CRLF1: variants seen among roughly 807,000 people sequenced by gnomAD.
CRLF1 encodes cytokine receptor like factor 1.
In CRLF1, 36 loss-of-function variants were observed where a neutral mutation model predicts 48.9. That is an observed-to-expected ratio of 0.74 (90% CI 0.56 to 0.97). The LOEUF is 0.97. Among genes scored for constraint, CRLF1 ranks in the 50% least tolerant of loss-of-function variants. CRLF1 has a pLI of 0.00. For synonymous variants in CRLF1, 256 were observed against 253.4 expected (o/e 1.01, Z -0.10); for missense variants, 534 against 575.1 (o/e 0.93, Z 0.73).
At chr19:18,597,896 G>C (rs1976163327) in intron 4 of CRLF1, among the ~76,000 whole-genome samples, 1 of 152,048 alleles carries the variant, frequency 6.6e-6, no homozygotes, top group African/African-American at 2.4e-5. Flanking sequence ...TGTGTGTTGG[G>C]GGGTTCTGAG....
chr19:18,599,566 G>A lies in CRLF1; in HGVS notation c.396C>T (p.Gly132=). ...SILAGSCLYV[G]LPPEKPVNIS... is the part of the protein sequence containing the mutation. ...GGGGTGTCCTGGGTGCCAACTTACG[G>A]CCAACATAGAGGCAGGAGCCAGCCA... is the stretch of plus-strand genomic sequence containing the variant. The change falls in exon 2 of 9, where the codon GGC becomes GGT. Residue 132 remains glycine, a splice_region_variant and synonymous_variant. Transcript: ENST00000392386. The A allele has an allele frequency of 6.2e-7, 1 of 1,612,276 alleles. No individual in the cohort carries two copies. The highest frequency in any genetic ancestry group is 8.5e-7 in the Non-Finnish European group (1 of 1,180,028).
intron 2 of CRLF1, chr19:18,599,255 G>A (rs1280224714): frequency 2.7e-6 from 1 of 377,254 alleles, no homozygotes; most frequent in Non-Finnish European, 3.6e-6. Context: ...ACAGGTGCCT[G>A]TCAGCACGCC....
rs765500879 is a variant in CRLF1 at position 18,596,757 on chromosome 19, G to A, written c.889C>T (p.Arg297Cys). Residue 297 changes from arginine (R) to cysteine (C), a missense_variant, in exon 6 of 9, where the codon CGC (arginine) becomes TGC (cysteine). By Grantham distance (180) the Arg-to-Cys change is radical. Transcript: ENST00000392386. ...GTGCCGGGTTTCAGGCCGGCCAGGC[G>A]GCAGGAGGTCTGGTTGCTCACATCG... The part of the protein sequence containing the change: ...VDDVSNQTSC[R>C]LAGLKPGTVY... The A allele has an allele frequency of 3.1e-6, 5 of 1,613,980 alleles. No homozygotes were observed. Among genetic ancestry groups the A allele is most frequent in the African/African-American group, 2.7e-5 (2 of 74,912 alleles).
In CRLF1 at chr19:18,593,781, G is replaced by GGC. The variant is rs1976088482; in HGVS notation, c.1256-204_1256-203dup. The GGC allele has an allele frequency of 6.2e-5, 61 of 985,456 alleles. No homozygotes were observed. The South Asian group carries it at 2.4e-3, about 39-fold the overall frequency. The allele number at this position is 985,456 out of a possible 1,614,324, so 61.0% of individuals were successfully genotyped here. On this transcript the variant is annotated intron_variant, in intron 8 of 8. Coordinates refer to ENST00000392386, the MANE Select transcript of CRLF1 (RefSeq NM_004750.5). ...CTTGGCGCGGAGCCAGTATGCAGTA[G>GGC]GCGCCCATGCGTGCTAACTAGGGTG... is the stretch of plus-strand genomic sequence containing the variant.
At chr19:18,598,970 G>T (rs1418688066) in intron 2 of CRLF1, 69 bp from the exon 3 acceptor site, 2 of 1,591,854 alleles carry the variant, frequency 1.3e-6, no homozygotes, top group East Asian at 4.5e-5. Context: ...CTGAGGGGTT[G>T]CTGCCCACCC....
rs1301114211 is a variant in CRLF1 at position 18,606,507 on chromosome 19, G to C, written c.115+35C>G. 1 of 1,142,224 alleles carries C rather than the reference G, an allele frequency of 8.8e-7. No individual in the cohort carries two copies. Among genetic ancestry groups the C allele is most frequent in the Non-Finnish European group, 1.1e-6 (1 of 930,778 alleles). The allele number at this position is 1,142,224 out of a possible 1,614,324, so 70.8% of individuals were successfully genotyped here. ...CCCCGGGGCGCCCGCCCTCTGCTCT[G>C]GCAGGGGGGAAGGAGTGGGGCGCCG... On this transcript the variant is annotated intron_variant, in intron 1 of 8. Coordinates refer to ENST00000392386, the MANE Select transcript of CRLF1 (RefSeq NM_004750.5). The surrounding 1 kb of genome is among the most constrained non-coding windows in gnomAD (Gnocchi z 4.8).
intron 8 of CRLF1, 139 bp from the exon 9 acceptor site, chr19:18,593,718 C>A (rs7256319): frequency 6.6e-7 from 1 of 1,520,858 alleles, no homozygotes; most frequent in Admixed American, 2.0e-5. Context: ...TGCCCCTCTC[C>A]GGGCCTTGGC....
At chr19:18,601,809 G>A (rs576765211) in intron 1 of CRLF1, among the ~76,000 whole-genome samples, 6 of 152,232 alleles carry the variant, frequency 3.9e-5, no homozygotes, top group African/African-American at 1.2e-4. Context: ...AAAAAACTCC[G>A]GCTCTGAAAG....
At chr19:18,601,901 GCCTA>G (rs1001752026) in intron 1 of CRLF1, among the ~76,000 whole-genome samples, 6 of 152,192 alleles carry the variant, frequency 3.9e-5, no homozygotes, top group African/African-American at 1.4e-4. Flanking sequence ...GTTCCACACT[GCCTA>G]CCTCTGGAAC....
intron 6 of CRLF1, 121 bp from the exon 7 acceptor site, chr19:18,594,555 C>A: frequency 1.3e-6 from 1 of 769,658 alleles, no homozygotes; most frequent in South Asian, 4.9e-5. Context: ...CTCCCCGTTT[C>A]TCAAGGACCG....
chr19:18,600,641 C>T (rs541372850), intron 1 of CRLF1, among the ~76,000 whole-genome samples: 68 of 152,292 alleles, frequency 4.5e-4, no homozygotes, highest in African/African-American at 1.6e-3. Flanking sequence ...GCTGGGATTA[C>T]AGGCGTGAGC....
At chr19:18,603,684 T>G (rs938190657) in intron 1 of CRLF1, among the ~76,000 whole-genome samples, 1 of 152,176 alleles carries the variant, frequency 6.6e-6, no homozygotes, top group Non-Finnish European at 1.5e-5. Flanking sequence ...TTGCCCTCAC[T>G]GCCCCAGATG....
chr19:18,604,031 C>A lies in CRLF1; in HGVS notation c.115+2511G>T, dbSNP rs557529442. ...CCCACCCACCGCTTCCTGCCTGGGC[C>A]CCCCCAACAGAGTGGGAGGCACGGC... On this transcript the variant is annotated intron_variant, in intron 1 of 8. Transcript: ENST00000392386. 1.5e-4 allele frequency among the ~76,000 whole-genome samples: 23 copies of A among 152,312 alleles called. No homozygotes were observed. In the East Asian group the frequency reaches 3.9e-3, roughly 26 times the overall value.
chr19:18,598,848 A>G lies in CRLF1; in HGVS notation c.451T>C (p.Leu151=). The change falls in exon 3 of 9, where the codon TTG becomes CTG. Residue 151 remains leucine (L), a synonymous_variant. Coordinates refer to ENST00000392386, the MANE Select transcript of CRLF1 (RefSeq NM_004750.5). ...GCCCCTGGCGTCCAGCGGCAGGTCA[A>G]GTCCTTCATGTTCTTGGACCAGCAG... is the stretch of plus-strand genomic sequence containing the variant. ...ISCWSKNMKD[L]TCRWTPGAHG... is the part of the protein sequence containing the mutation. 6.2e-7 allele frequency: 1 copy of G among 1,614,054 alleles called. No individual in the cohort carries two copies. Among genetic ancestry groups the G allele is most frequent in the Non-Finnish European group, 8.5e-7 (1 of 1,179,984 alleles).
chr19:18,603,537 G>A (rs979206833), intron 1 of CRLF1, among the ~76,000 whole-genome samples: 6 of 152,192 alleles, frequency 3.9e-5, no homozygotes, highest in Non-Finnish European at 8.8e-5. Context: ...TGAGATATGC[G>A]TTAAAAGGAC....
chr19:18,596,682 T>G lies in CRLF1; in HGVS notation c.964A>C (p.Lys322Gln). Residue 322 changes from lysine (K) to glutamine (Q), a missense_variant, in exon 6 of 9, where the codon AAG (lysine) becomes CAG (glutamine). This residue lies in a region of CRLF1 where 528 missense variants were observed against 555.7 expected (regional missense o/e 0.95). Transcript: ENST00000392386. ...CACTCACTCCAGATCCCGGCTTTCT[T>G]GGAGCCATAGATGCCAAAGGGGTTG... ...RCNPFGIYGS[K>Q]KAGIWSEWSH... is the part of the protein sequence containing the mutation. 1.9e-6 allele frequency: 3 copies of G among 1,613,978 alleles called. No homozygotes were observed. The highest frequency in any genetic ancestry group is 1.7e-6 in the Non-Finnish European group (2 of 1,180,012).
chr19:18,602,767 C>T (rs899714532), intron 1 of CRLF1, among the ~76,000 whole-genome samples: 2 of 151,856 alleles, frequency 1.3e-5, no homozygotes, highest in Non-Finnish European at 2.9e-5. Context: ...TGCCCCCAGC[C>T]TGACTCAGTG....
chr19:18,601,966 T>C (rs1976227005), intron 1 of CRLF1, among the ~76,000 whole-genome samples: 1 of 152,232 alleles, frequency 6.6e-6, no homozygotes, highest in Non-Finnish European at 1.5e-5. Context: ...CCAAAGGGAC[T>C]TGACATCATC....
At chr19:18,594,032 T>TTGGCCCC in intron 8 of CRLF1, 33 bp downstream of exon 8, 8 of 695,804 alleles carry the variant, frequency 1.1e-5, no homozygotes, top group South Asian at 1.8e-5. Context: ...CTCCCCTTGC[T>TTGGCCCC]CCCTCCCGCC....
Sources: gnomAD v4.1 joint callset for allele counts (sites outside exome capture counted in the v4.1 genomes callset) on GRCh38, gnomAD v4.1.1 for gene constraint, gnomAD v4.1.1 regional missense constraint, Gnocchi (gnomAD v3.1) non-coding constraint, MANE v1.5 for transcripts, NCBI Gene and HGNC (gene_info 2026-07-23, HGNC 2026-07-21) for gene names.